Variants in NXPH1 observed in about 807,000 individuals in gnomAD.
NXPH1 encodes the protein neurexophilin 1, also known as neurexophilin-1.
A neutral mutation model predicts 23.7 loss-of-function variants in NXPH1; 5 were observed. The ratio of observed to expected loss-of-function variants is 0.21; its 90% CI spans 0.11 to 0.44. The LOEUF (loss-of-function observed/expected upper bound fraction) is 0.44, where lower values mean the gene tolerates loss of function less well. NXPH1 is among the 20% of genes least tolerant of loss of function. The pLI, the probability that NXPH1 is intolerant of heterozygous loss-of-function variation, is 0.99. For missense variants in NXPH1, 324 were observed against 321.6 expected (o/e 1.01, Z -0.06); for synonymous variants, 144 against 122.2 (o/e 1.18, Z -1.18).
At chr7:8,521,712 T>G (rs1486890603) in intron 2 of NXPH1, among the ~76,000 whole-genome samples, 2 of 152,216 alleles carry the variant, frequency 1.3e-5, no homozygotes, top group African/African-American at 4.8e-5. Flanking sequence ...CTATTTTGAC[T>G]GATTGAATGT....
chr7:8,507,996 T>C (rs1273166791), intron 2 of NXPH1, among the ~76,000 whole-genome samples: 1 of 152,108 alleles, frequency 6.6e-6, no homozygotes, highest in Admixed American at 6.6e-5. Flanking sequence ...AAAGAATCTT[T>C]ATGCTTTGTC....
At chr7:8,615,312 T>A (rs75218387) in intron 2 of NXPH1, among the ~76,000 whole-genome samples, 3,506 of 152,198 alleles carry the variant, frequency 0.023, 220 homozygotes, top group East Asian at 0.17. Flanking sequence ...CCCTCAGCTC[T>A]GTAGCTTATT....
At chr7:8,680,967 T>C (rs910007096) in intron 2 of NXPH1, among the ~76,000 whole-genome samples, 1 of 152,230 alleles carries the variant, frequency 6.6e-6, no homozygotes, top group African/African-American at 2.4e-5. Context: ...TAAGAGACTA[T>C]TGAACTAGAT....
chr7:8,725,688 AT>A (rs1780039788), intron 2 of NXPH1, among the ~76,000 whole-genome samples: 1 of 152,028 alleles, frequency 6.6e-6, no homozygotes, highest in South Asian at 2.1e-4. Flanking sequence ...ACTAGACTTT[AT>A]TTTTTCTTAG....
chr7:8,719,421 T>C (rs1221291183), intron 2 of NXPH1, among the ~76,000 whole-genome samples: 1 of 152,168 alleles, frequency 6.6e-6, no homozygotes, highest in African/African-American at 2.4e-5. Context: ...ATCAAAAATA[T>C]TATGGCTTGG....
intron 2 of NXPH1, among the ~76,000 whole-genome samples, chr7:8,648,413 ATGTT>A (rs777696593): frequency 1.2e-3 from 187 of 152,234 alleles, no homozygotes; most frequent in Non-Finnish European, 2.2e-3. Flanking sequence ...AGAATATGTG[ATGTT>A]TGTTTTTCTG....
At chr7:8,609,103 T>C (rs768809184) in intron 2 of NXPH1, among the ~76,000 whole-genome samples, 2 of 152,164 alleles carry the variant, frequency 1.3e-5, no homozygotes, top group Non-Finnish European at 2.9e-5. Context: ...AGGTGTGGAC[T>C]TATTGTGTGC....
At chr7:8,702,049 A>G (rs1459795890) in intron 2 of NXPH1, among the ~76,000 whole-genome samples, 2 of 152,036 alleles carry the variant, frequency 1.3e-5, no homozygotes, top group Admixed American at 1.3e-4. Context: ...GAAAAAAAAA[A>G]AAGCCCTCCG....
At chr7:8,492,672 A>C (rs533038707) in intron 2 of NXPH1, among the ~76,000 whole-genome samples, 1 of 151,984 alleles carries the variant, frequency 6.6e-6, no homozygotes, top group Admixed American at 6.6e-5. Flanking sequence ...CATCACTGCT[A>C]TGACACATTG....
intron 2 of NXPH1, among the ~76,000 whole-genome samples, chr7:8,731,805 C>G (rs1283808899): frequency 1.3e-5 from 2 of 152,242 alleles, no homozygotes; most frequent in African/African-American, 4.8e-5. Flanking sequence ...TTTGTCTGTG[C>G]CCTGCCCCAA....
At chr7:8,736,374 A>G (rs1780255776) in intron 2 of NXPH1, among the ~76,000 whole-genome samples, 2 of 152,044 alleles carry the variant, frequency 1.3e-5, no homozygotes, top group South Asian at 4.1e-4. Flanking sequence ...TTCGGCCTTC[A>G]TTTTGTTATG....
chr7:8,617,016 T>C (rs549501733), intron 2 of NXPH1, among the ~76,000 whole-genome samples: 1 of 152,180 alleles, frequency 6.6e-6, no homozygotes, highest in East Asian at 1.9e-4. Context: ...AGCGGATTGT[T>C]TGAGAGCAGT....
At chr7:8,615,619 A>G (rs1370063631) in intron 2 of NXPH1, among the ~76,000 whole-genome samples, 1 of 152,010 alleles carries the variant, frequency 6.6e-6, no homozygotes, top group Non-Finnish European at 1.5e-5. Flanking sequence ...TATTATGTCA[A>G]TATTTTCCTG....
intron 2 of NXPH1, among the ~76,000 whole-genome samples, chr7:8,569,398 G>C (rs1818606613): frequency 6.6e-6 from 1 of 151,862 alleles, no homozygotes. Context: ...AGGAAAAATA[G>C]ACAAGTATTA....
chr7:8,496,597 C>G (rs1817342061), intron 2 of NXPH1, among the ~76,000 whole-genome samples: 1 of 151,892 alleles, frequency 6.6e-6, no homozygotes, highest in Non-Finnish European at 1.5e-5. Flanking sequence ...AAAGGGTGGT[C>G]CCCAGACAGG....
chr7:8,468,096 T>C (rs1816813768), intron 2 of NXPH1, among the ~76,000 whole-genome samples: 3 of 152,132 alleles, frequency 2.0e-5, no homozygotes, highest in South Asian at 4.1e-4. Context: ...GTTTGTGCCA[T>C]GTTTTAATAT....
intron 2 of NXPH1, among the ~76,000 whole-genome samples, chr7:8,478,698 C>T (rs12666967): frequency 0.4 from 60,961 of 151,824 alleles, 12,665 homozygotes; most frequent in East Asian, 0.64. Context: ...AAGACATGTT[C>T]TAGCAAAATT....
intron 2 of NXPH1, among the ~76,000 whole-genome samples, chr7:8,507,081 G>T (rs1266572194): frequency 6.6e-6 from 1 of 151,762 alleles, no homozygotes; most frequent in Non-Finnish European, 1.5e-5. Context: ...GTTCAGGTGA[G>T]AGACAATGGG....
At chr7:8,520,270 C>T (rs10255350) in intron 2 of NXPH1, among the ~76,000 whole-genome samples, 51,141 of 152,006 alleles carry the variant, frequency 0.34, 8,866 homozygotes, top group African/African-American at 0.38. Flanking sequence ...TTTTGCAAGT[C>T]ACTGTCTGAC....
Sources: gnomAD v4.1 joint callset for allele counts (sites outside exome capture counted in the v4.1 genomes callset) on GRCh38, gnomAD v4.1.1 for gene constraint, MANE v1.5 for transcripts, NCBI Gene and HGNC (gene_info 2026-07-23, HGNC 2026-07-21) for gene names.